Variants in GOLPH3 observed in about 807,000 individuals in gnomAD.
GOLPH3 encodes golgi phosphoprotein 3.
A neutral mutation model predicts 28.5 loss-of-function variants in GOLPH3; 14 were observed. The ratio of observed to expected loss-of-function variants is 0.49; its 90% CI spans 0.32 to 0.77. GOLPH3 has a LOEUF of 0.77. Among genes scored for constraint, GOLPH3 ranks in the 30% least tolerant of loss-of-function variants. The pLI, the probability that GOLPH3 is intolerant of heterozygous loss-of-function variation, is 0.03. For missense variants in GOLPH3, 350 were observed against 393.7 expected, an observed-to-expected ratio of 0.89 and a Z score of 0.94; for synonymous variants, 158 against 159.2, an observed-to-expected ratio of 0.99 and a Z score of 0.06.
At chr5:32,140,047 A>T (rs1746021650) in intron 2 of GOLPH3, among the ~76,000 whole-genome samples, 1 of 152,200 alleles carries the variant, frequency 6.6e-6, no homozygotes, top group Admixed American at 6.5e-5. Context: ...TCAGAAATAC[A>T]AGTTTTCAAA....
At chr5:32,173,668 TG>T in intron 1 of GOLPH3, 141 bp downstream of exon 1, 1 of 495,270 alleles carries the variant, frequency 2.0e-6, no homozygotes, top group Non-Finnish European at 3.2e-6. Context: ...CGGCGTCAGC[TG>T]GGCGCCACCA....
Position 32,174,106 on chromosome 5 carries a change from G to A in GOLPH3, c.-72C>T. On this transcript the variant is annotated 5_prime_UTR_variant, in exon 1 of 4. Transcript: ENST00000265070. ...ACCGGGTCGCCCTCCTCCTCCCCGC[G>A]CGGCCTCCGATCCGGGTTTCCGTGT... The A allele has an allele frequency of 1.9e-6, 2 of 1,067,724 alleles. No homozygotes were observed. 66.1% of individuals were successfully genotyped at this position (1,067,724 alleles called of 1,614,324 possible). A position where few individuals can be genotyped will look rare whatever the true frequency, so the allele number is the denominator to read the frequency against.
intron 2 of GOLPH3, among the ~76,000 whole-genome samples, chr5:32,137,187 G>A (rs283134): frequency 0.031 from 4,636 of 151,530 alleles, 246 homozygotes; most frequent in African/African-American, 0.11. Context: ...TCAAACTCCC[G>A]ACCTCAGGTA....
chr5:32,135,040 T>A (rs554554296), intron 3 of GOLPH3, among the ~76,000 whole-genome samples: 1 of 152,320 alleles, frequency 6.6e-6, no homozygotes, highest in East Asian at 1.9e-4. Flanking sequence ...TAGGGGAGAT[T>A]GTGTGATTTG....
chr5:32,160,587 A>G lies in GOLPH3; in HGVS notation c.225+13223T>C, dbSNP rs571470882. ...CATTCTAAAGACAAACACTTGTGCA[A>G]TACTAGGCATTGTGCTAGATGCTAG... On this transcript the variant is annotated intron_variant, in intron 1 of 3. Transcript: ENST00000265070. Among the ~76,000 whole-genome samples the G allele has an allele frequency of 1.4e-4, 22 of 152,366 alleles. No homozygotes were observed. In the South Asian group the frequency reaches 4.3e-3, roughly 30 times the overall value.
intron 1 of GOLPH3, among the ~76,000 whole-genome samples, chr5:32,162,841 G>C (rs1746618549): frequency 6.6e-6 from 1 of 152,202 alleles, no homozygotes; most frequent in Non-Finnish European, 1.5e-5. Flanking sequence ...CACTTTGGGA[G>C]GCAGAGGCGG....
In GOLPH3 at chr5:32,135,879, TATA is replaced by T. The variant is rs201050749; in HGVS notation, c.358-196_358-194del. On this transcript the variant is annotated intron_variant, in intron 2 of 3. Transcript: ENST00000265070. ...CAATATTTAACCTAACCAGATTAGATATAATAATGAATGAAAATTGGCTAGACT... is the reference window on the plus strand; with the variant it reads ...CAATATTTAACCTAACCAGATTAGATATAATGAATGAAAATTGGCTAGACT... 6.4e-3 allele frequency among the ~76,000 whole-genome samples: 974 copies of T among 152,300 alleles called. 6 individuals are homozygous for T. Among genetic ancestry groups the T allele is most frequent in the Non-Finnish European group, 0.011 (733 of 68,026 alleles).
At chr5:32,131,842 C>T (rs1581537166) in intron 3 of GOLPH3, among the ~76,000 whole-genome samples, 1 of 152,164 alleles carries the variant, frequency 6.6e-6, no homozygotes, top group Non-Finnish European at 1.5e-5. Flanking sequence ...CATCATCTTA[C>T]AAAACTAAAA....
At chr5:32,131,140 A>G (rs1745816795) in intron 3 of GOLPH3, among the ~76,000 whole-genome samples, 1 of 152,228 alleles carries the variant, frequency 6.6e-6, no homozygotes, top group South Asian at 2.1e-4. Flanking sequence ...GCTCACTCCA[A>G]CAAATAGACG....
chr5:32,126,144 C>T lies in GOLPH3; in HGVS notation c.*68G>A, dbSNP rs1745672825. ...TGGGAAAGTACAAATTACAGAAAAC[C>T]AGAAGTCAACAGAAGAAAAACTACT... On this transcript the variant is annotated 3_prime_UTR_variant, in exon 4 of 4. Transcript: ENST00000265070. 1 of 1,456,300 alleles carries T rather than the reference C, an allele frequency of 6.9e-7. No individual in the cohort carries two copies. The highest frequency in any genetic ancestry group is 2.2e-5 in the Admixed American group (1 of 46,248). 90.2% of individuals were successfully genotyped at this position (1,456,300 alleles called of 1,614,324 possible). A position where few individuals can be genotyped will look rare whatever the true frequency, so the allele number is the denominator to read the frequency against.
Position 32,126,105 on chromosome 5 carries a change from A to G in GOLPH3, c.*107T>C. On this transcript the variant is annotated 3_prime_UTR_variant, in exon 4 of 4. Coordinates refer to ENST00000265070, the MANE Select transcript of GOLPH3 (RefSeq NM_022130.4). Reference sequence around the variant, plus strand: ...GCCACCCACCATTTTGTAAAACAGAAGCCAATTATAGTGTGGGAAAGTACA... The same window carrying G: ...GCCACCCACCATTTTGTAAAACAGAGGCCAATTATAGTGTGGGAAAGTACA... The G allele has an allele frequency of 8.6e-7, 1 of 1,160,304 alleles. No individual in the cohort carries two copies. The highest frequency in any genetic ancestry group is 1.2e-6 in the Non-Finnish European group (1 of 815,876). 71.9% of individuals were successfully genotyped at this position (1,160,304 alleles called of 1,614,324 possible).
At chr5:32,146,410 G>A (rs59905268) in intron 1 of GOLPH3, among the ~76,000 whole-genome samples, 3 of 152,118 alleles carry the variant, frequency 2.0e-5, no homozygotes, top group Non-Finnish European at 4.4e-5. Context: ...AGAGGACAGA[G>A]ACACCCCAAG....
At chr5:32,169,944 T>A (rs1424665918) in intron 1 of GOLPH3, among the ~76,000 whole-genome samples, 1 of 147,058 alleles carries the variant, frequency 6.8e-6, no homozygotes, top group Non-Finnish European at 1.5e-5. Flanking sequence ...AAAAAAAAAA[T>A]CTGAAATGTG....
intron 1 of GOLPH3, among the ~76,000 whole-genome samples, chr5:32,156,621 G>A (rs1047529080): frequency 3.9e-5 from 6 of 151,908 alleles, no homozygotes; most frequent in Non-Finnish European, 8.8e-5. Flanking sequence ...GGAGCGGCGG[G>A]GGGGATGGTT....
intron 1 of GOLPH3, among the ~76,000 whole-genome samples, chr5:32,164,396 T>C (rs1365649420): frequency 1.3e-5 from 2 of 151,282 alleles, no homozygotes; most frequent in Non-Finnish European, 2.9e-5. Flanking sequence ...AGGAGTAAGA[T>C]TCTTTTTTTT....
At chr5:32,150,277 T>C (rs1189070286) in intron 1 of GOLPH3, among the ~76,000 whole-genome samples, 1 of 152,006 alleles carries the variant, frequency 6.6e-6, no homozygotes, top group Non-Finnish European at 1.5e-5. Flanking sequence ...AAAATAGACT[T>C]GAATAATAGA....
At chr5:32,161,115 A>C (rs1236448320) in intron 1 of GOLPH3, among the ~76,000 whole-genome samples, 3 of 147,880 alleles carry the variant, frequency 2.0e-5, no homozygotes, top group Non-Finnish European at 4.4e-5. Flanking sequence ...CAAAAAGATA[A>C]GGTGAGGCTG....
Position 32,125,903 on chromosome 5 carries a change from G to T in GOLPH3, c.*309C>A, listed in dbSNP as rs1018968156. ...AGCTGAGGTCATCCAAAAGCTGTGC[G>T]TATGAGGAGGCTGGAGGTACTTTGA... On this transcript the variant is annotated 3_prime_UTR_variant, in exon 4 of 4. Transcript: ENST00000265070. 2.5e-5 allele frequency: 7 copies of T among 274,720 alleles called. No homozygotes were observed. The highest frequency in any genetic ancestry group is 1.6e-4 in the African/African-American group (7 of 44,848). The allele number at this position is 274,720 out of a possible 1,614,324, so 17.0% of individuals were successfully genotyped here.
intron 1 of GOLPH3, among the ~76,000 whole-genome samples, chr5:32,172,866 T>C (rs1002892951): frequency 3.9e-5 from 6 of 152,168 alleles, no homozygotes; most frequent in Non-Finnish European, 7.3e-5. Context: ...CGTCTCCACA[T>C]AAATAAATAA....
Sources: allele counts gnomAD v4.1 joint callset (sites outside exome capture counted in the v4.1 genomes callset), GRCh38; gene constraint gnomAD v4.1.1; transcripts MANE v1.5; gene names NCBI Gene and HGNC (gene_info 2026-07-23, HGNC 2026-07-21).